The following ZNF521 variants were observed in gnomAD, a reference collection of about 807,000 sequenced individuals.
ZNF521 encodes zinc finger protein 521.
A neutral mutation model predicts 105.5 loss-of-function variants in ZNF521; 14 were observed. The ratio of observed to expected loss-of-function variants is 0.13; its 90% CI spans 0.09 to 0.21. The LOEUF (loss-of-function observed/expected upper bound fraction) is 0.21, where lower values mean the gene tolerates loss of function less well. Ranked by LOEUF, ZNF521 falls within the 10% of genes least tolerant of loss-of-function variation. ZNF521 has a pLI of 1.00. For missense variants in ZNF521, 1,233 were observed against 1,629.7 expected (o/e 0.76, Z 4.19); for synonymous variants, 635 against 606.0 (o/e 1.05, Z -0.70).
chr18:25,116,917 A>T (rs1382942534), intron 5 of ZNF521, among the ~76,000 whole-genome samples: 1 of 139,698 alleles, frequency 7.2e-6, no homozygotes, highest in Non-Finnish European at 1.5e-5. Flanking sequence ...ATATACGTAT[A>T]TCTATGTATA....
intron 3 of ZNF521, among the ~76,000 whole-genome samples, chr18:25,316,583 C>T (rs1223776654): frequency 6.6e-6 from 1 of 152,060 alleles, no homozygotes; most frequent in Non-Finnish European, 1.5e-5. Flanking sequence ...TAAAATGCTT[C>T]CAAGTGTCTT....
intron 5 of ZNF521, among the ~76,000 whole-genome samples, chr18:25,171,191 A>G (rs1272536422): frequency 1.3e-5 from 2 of 152,180 alleles, no homozygotes; most frequent in Non-Finnish European, 2.9e-5. Context: ...TACTAGGAAT[A>G]ACTGCATTCT....
intron 5 of ZNF521, among the ~76,000 whole-genome samples, chr18:25,173,690 A>G (rs910246187): frequency 5.3e-5 from 8 of 152,224 alleles, no homozygotes; most frequent in Non-Finnish European, 8.8e-5. Flanking sequence ...GAGATAAAGC[A>G]GAATGGGAAA....
At chr18:25,199,943 ATACTT>A in intron 4 of ZNF521, among the ~76,000 whole-genome samples, 1 of 152,054 alleles carries the variant, frequency 6.6e-6, no homozygotes, top group Non-Finnish European at 1.5e-5. Context: ...AAACTGTTTC[ATACTT>A]TAGTCTATAA....
At chr18:25,064,505 G>A (rs1257540112) in intron 7 of ZNF521, among the ~76,000 whole-genome samples, 6 of 152,236 alleles carry the variant, frequency 3.9e-5, no homozygotes, top group Non-Finnish European at 8.8e-5. Flanking sequence ...GTACTCACGA[G>A]ACATGAAGAT....
intron 3 of ZNF521, among the ~76,000 whole-genome samples, chr18:25,285,089 A>G (rs907711818): frequency 6.6e-6 from 1 of 151,278 alleles, no homozygotes; most frequent in Non-Finnish European, 1.5e-5. Context: ...ACTTCAACCC[A>G]TCTCTCTCAA....
intron 7 of ZNF521, among the ~76,000 whole-genome samples, chr18:25,081,894 A>G (rs1157650571): frequency 6.6e-6 from 1 of 152,192 alleles, no homozygotes; most frequent in Non-Finnish European, 1.5e-5. Context: ...TAGCTTAGCC[A>G]TGTCCTGTTT....
intron 4 of ZNF521, among the ~76,000 whole-genome samples, chr18:25,200,790 A>C (rs1046595655): frequency 1.9e-4 from 29 of 152,118 alleles, no homozygotes; most frequent in Admixed American, 2.6e-4. Flanking sequence ...ACTATTTTTC[A>C]TTTCCAACAT....
At chr18:25,351,223 GA>G (rs1231562502) in intron 1 of ZNF521, 1,110 of 43,802 alleles carry the variant, frequency 0.025, 13 homozygotes, top group South Asian at 0.08. Context: ...CAATCTCCAA[GA>G]AAAAAAAAAA....
chr18:25,277,705 T>C (rs1377200165), intron 3 of ZNF521, among the ~76,000 whole-genome samples: 1 of 152,218 alleles, frequency 6.6e-6, no homozygotes, highest in Non-Finnish European at 1.5e-5. Context: ...CTGCACTATA[T>C]TTTTATGGGT....
intron 3 of ZNF521, among the ~76,000 whole-genome samples, chr18:25,311,630 T>C (rs1034323067): frequency 6.6e-6 from 1 of 152,168 alleles, no homozygotes; most frequent in Non-Finnish European, 1.5e-5. Flanking sequence ...TCATTTATAA[T>C]TTTTATACTT....
chr18:25,069,627 C>G (rs2033164444), intron 7 of ZNF521, among the ~76,000 whole-genome samples: 1 of 152,102 alleles, frequency 6.6e-6, no homozygotes, highest in Non-Finnish European at 1.5e-5. Context: ...ACATCAGGAC[C>G]ATATCTGTGG....
intron 5 of ZNF521, among the ~76,000 whole-genome samples, chr18:25,152,968 C>T (rs1008619843): frequency 2.0e-5 from 3 of 152,094 alleles, no homozygotes; most frequent in African/African-American, 7.2e-5. Flanking sequence ...ACCCGAAATA[C>T]CCCCCAAACA....
At chr18:25,255,939 T>C (rs1187118893) in intron 3 of ZNF521, among the ~76,000 whole-genome samples, 1 of 148,388 alleles carries the variant, frequency 6.7e-6, no homozygotes, top group Non-Finnish European at 1.5e-5. Flanking sequence ...GTGGTGTATA[T>C]ATATGGCATA....
At position 25,225,994 on chromosome 18, in the gene ZNF521, T is replaced by G. The variant is rs765266642; in HGVS notation, c.1924A>C (p.Lys642Gln). Residue 642 changes from lysine (K) to glutamine (Q), a missense_variant, in exon 4 of 8, where the codon AAG becomes CAG. By Grantham distance (53) the Lys-to-Gln change is moderately conservative. Coordinates refer to ENST00000361524, the MANE Select transcript of ZNF521 (RefSeq NM_015461.3). This position sits in a 1 kb window ranked among gnomAD's most constrained non-coding sequence, Gnocchi z 5.6. The part of the protein sequence containing the change: ...GEYICNQCGA[K>Q]YTSLDSFQTH... ...TGAAAGCTGTCTAGGGATGTGTACT[T>G]AGCACCACATTGATTACAGATATAT... The G allele has an allele frequency of 6.2e-7, 1 of 1,614,204 alleles. No homozygotes were observed. Among genetic ancestry groups the G allele is most frequent in the Admixed American group, 1.7e-5 (1 of 60,024 alleles).
At position 25,324,373 on chromosome 18, in the gene ZNF521, A is replaced by T. The variant is rs551366642; in HGVS notation, c.41-2186T>A. Among the ~76,000 whole-genome samples, 3 of 151,582 alleles carry T rather than the reference A, an allele frequency of 2.0e-5. No homozygotes were observed. In the East Asian group the frequency reaches 5.8e-4, roughly 29 times the overall value. On this transcript the variant is annotated intron_variant, in intron 2 of 7. Coordinates refer to ENST00000361524, the MANE Select transcript of ZNF521 (RefSeq NM_015461.3). ...ACCACATTTGGGTTTGCTTCTCTCA[A>T]ATATTTCATCTGGGGCAACAGATGC...
intron 3 of ZNF521, among the ~76,000 whole-genome samples, chr18:25,291,174 A>G (rs1910997756): frequency 6.6e-6 from 1 of 152,158 alleles, no homozygotes; most frequent in Non-Finnish European, 1.5e-5. Flanking sequence ...GCCATAAATA[A>G]TGCACGAGTG....
chr18:25,133,055 G>A (rs1023931979), intron 5 of ZNF521, among the ~76,000 whole-genome samples: 5 of 152,202 alleles, frequency 3.3e-5, no homozygotes, highest in African/African-American at 1.2e-4. Context: ...TTGCCGCTTA[G>A]TCAGTGATAT....
rs1914820451 is a variant in ZNF521 at position 25,352,057 on chromosome 18, A to G, written c.-54T>C. The G allele has an allele frequency of 2.0e-6, 1 of 497,996 alleles. No homozygotes were observed. Among genetic ancestry groups the G allele is most frequent in the Non-Finnish European group, 4.0e-6 (1 of 248,034 alleles). 30.8% of individuals were successfully genotyped at this position (497,996 alleles called of 1,614,324 possible). On this transcript the variant is annotated 5_prime_UTR_variant, in exon 1 of 8. Coordinates refer to ENST00000361524, the MANE Select transcript of ZNF521 (RefSeq NM_015461.3). ...TCCGGTAGTCCACATAATAATGGAA[A>G]ATGGAAGCAAGGCCCCCAAAGCCAT...
Sources: gnomAD v4.1 joint callset for allele counts (sites outside exome capture counted in the v4.1 genomes callset) on GRCh38, gnomAD v4.1.1 for gene constraint, Gnocchi (gnomAD v3.1) non-coding constraint, MANE v1.5 for transcripts, NCBI Gene and HGNC (gene_info 2026-07-23, HGNC 2026-07-21) for gene names.